Variants in RALYL observed in about 807,000 individuals in gnomAD.
RALYL encodes the protein RALY RNA binding protein like.
Under a neutral mutation model 35.1 loss-of-function variants are expected in RALYL, and 29 were observed. That is an observed-to-expected ratio of 0.83 (90% CI 0.61 to 1.13). RALYL has a LOEUF of 1.13. Among genes scored for constraint, RALYL ranks in the 50% most tolerant of loss-of-function variants. The pLI is 0.00. For missense variants in RALYL, 359 were observed against 360.4 expected (o/e 1.00, Z 0.03); for synonymous variants, 120 against 127.6 (o/e 0.94, Z 0.40).
At position 84,300,723 on chromosome 8, in the gene RALYL, T is replaced by C. The variant is rs150226437; in HGVS notation, c.-24+116299T>C. ...TATCATTGTTTGAAAGTCTGTTTTG[T>C]TTGAAATTAGAATAACAACCCCTGC... On this transcript the variant is annotated intron_variant, in intron 1 of 8. Coordinates refer to ENST00000521268, the MANE Select transcript of RALYL (RefSeq NM_173848.7). Among the ~76,000 whole-genome samples, 212 of 152,212 alleles carry C rather than the reference T, an allele frequency of 1.4e-3. 1 individual carries two copies. The highest frequency in any genetic ancestry group is 4.8e-3 in the African/African-American group (198 of 41,574).
chr8:84,707,436 T>C (rs1426116189), intron 2 of RALYL, among the ~76,000 whole-genome samples: 1 of 152,160 alleles, frequency 6.6e-6, no homozygotes, highest in Admixed American at 6.6e-5. Context: ...TTTTTTTTCC[T>C]TGTGGATTAT....
chr8:84,572,861 A>G (rs192513845), intron 2 of RALYL, among the ~76,000 whole-genome samples: 39 of 151,278 alleles, frequency 2.6e-4, no homozygotes, highest in Non-Finnish European at 4.6e-4. Context: ...TCACTGTTCT[A>G]TTTCCTTTTT....
At chr8:84,204,290 C>G (rs995728461) in intron 1 of RALYL, among the ~76,000 whole-genome samples, 1 of 151,068 alleles carries the variant, frequency 6.6e-6, no homozygotes, top group African/African-American at 2.4e-5. Context: ...AAAAATATAT[C>G]TTTTTATCAT....
chr8:84,634,227 A>C (rs1824542189), intron 2 of RALYL, among the ~76,000 whole-genome samples: 1 of 151,786 alleles, frequency 6.6e-6, no homozygotes, highest in Admixed American at 6.6e-5. Flanking sequence ...CCCTAAACAT[A>C]TCTCTTCACT....
intron 5 of RALYL, 28 bp from the exon 6 acceptor site, chr8:84,862,268 C>A: frequency 6.9e-7 from 1 of 1,439,662 alleles, no homozygotes; most frequent in Non-Finnish European, 9.2e-7. Context: ...ATCAAACCAA[C>A]TCTCAGTCCC....
At chr8:84,422,020 G>C (rs1369529915) in intron 1 of RALYL, among the ~76,000 whole-genome samples, 4 of 152,066 alleles carry the variant, frequency 2.6e-5, no homozygotes, top group Non-Finnish European at 4.4e-5. Context: ...TTTTTTGGTT[G>C]TGTCTCTGCC....
At chr8:84,318,302 C>T (rs1476742294) in intron 1 of RALYL, among the ~76,000 whole-genome samples, 1 of 152,142 alleles carries the variant, frequency 6.6e-6, no homozygotes, top group East Asian at 1.9e-4. Context: ...TTCTGTTGCT[C>T]TCAGAATGAG....
intron 2 of RALYL, among the ~76,000 whole-genome samples, chr8:84,737,838 C>T (rs1002680926): frequency 1.3e-5 from 2 of 151,950 alleles, no homozygotes; most frequent in Non-Finnish European, 2.9e-5. Flanking sequence ...AAACATGGCC[C>T]TCTATGAGCC....
chr8:84,905,446 G>A (rs1332828711), intron 8 of RALYL, among the ~76,000 whole-genome samples: 1 of 152,114 alleles, frequency 6.6e-6, no homozygotes, highest in African/African-American at 2.4e-5. Flanking sequence ...ACAGTAGTGG[G>A]ATTGCTGGGT....
chr8:84,877,131 C>T (rs1365671), intron 7 of RALYL, among the ~76,000 whole-genome samples: 69,621 of 151,954 alleles, frequency 0.46, 18,968 homozygotes, highest in African/African-American at 0.75. Context: ...AGTTATCACT[C>T]TTATGTTCTC....
chr8:84,451,642 A>G (rs1278712703), intron 1 of RALYL, among the ~76,000 whole-genome samples: 2 of 151,992 alleles, frequency 1.3e-5, no homozygotes, highest in Non-Finnish European at 2.9e-5. Flanking sequence ...AAGACTAGAT[A>G]ATTTTCACAA....
At chr8:84,639,394 C>A (rs945456320) in intron 2 of RALYL, among the ~76,000 whole-genome samples, 6 of 151,780 alleles carry the variant, frequency 4.0e-5, no homozygotes, top group African/African-American at 1.5e-4. Flanking sequence ...TTACAACAAG[C>A]CTTTTCTGTC....
chr8:84,594,642 C>G (rs1316996244), intron 2 of RALYL, among the ~76,000 whole-genome samples: 1 of 151,934 alleles, frequency 6.6e-6, no homozygotes, highest in Non-Finnish European at 1.5e-5. Flanking sequence ...AATTATTAAT[C>G]AATCTGCCAC....
At chr8:84,391,182 CT>C (rs1371448954) in intron 1 of RALYL, among the ~76,000 whole-genome samples, 1 of 151,992 alleles carries the variant, frequency 6.6e-6, no homozygotes, top group Non-Finnish European at 1.5e-5. Flanking sequence ...ACGACTCTTT[CT>C]CTCTCAAAAT....
At chr8:84,304,420 CAA>C (rs1479719140) in intron 1 of RALYL, among the ~76,000 whole-genome samples, 1 of 152,146 alleles carries the variant, frequency 6.6e-6, no homozygotes, top group African/African-American at 2.4e-5. Context: ...TGTTTCTGTT[CAA>C]ATACTAACTA....
intron 1 of RALYL, among the ~76,000 whole-genome samples, chr8:84,380,911 C>T (rs1048010392): frequency 2.1e-5 from 3 of 143,624 alleles, no homozygotes; most frequent in Non-Finnish European, 4.4e-5. Context: ...TGAGTGTCTT[C>T]CCCCACAGAA....
At chr8:84,492,144 G>A (rs1018523586) in intron 1 of RALYL, among the ~76,000 whole-genome samples, 25 of 151,892 alleles carry the variant, frequency 1.6e-4, no homozygotes, top group Non-Finnish European at 5.9e-5. Context: ...TTTGAATATA[G>A]TGTACAATAC....
intron 8 of RALYL, among the ~76,000 whole-genome samples, chr8:84,907,570 G>A (rs1846744475): frequency 6.6e-6 from 1 of 151,982 alleles, no homozygotes; most frequent in Non-Finnish European, 1.5e-5. Flanking sequence ...GCTCATAAGA[G>A]GCAGAATCAA....
intron 1 of RALYL, among the ~76,000 whole-genome samples, chr8:84,441,708 C>A (rs545026188): frequency 2.6e-5 from 4 of 152,020 alleles, no homozygotes; most frequent in Admixed American, 6.6e-5. Flanking sequence ...CAAATCAGAT[C>A]GGCAAATTTT....
Sources: allele counts gnomAD v4.1 joint callset (sites outside exome capture counted in the v4.1 genomes callset), GRCh38; gene constraint gnomAD v4.1.1; transcripts MANE v1.5; gene names NCBI Gene and HGNC (gene_info 2026-07-23, HGNC 2026-07-21).